ZNF438: variants seen among roughly 807,000 people sequenced by gnomAD.
ZNF438 encodes zinc finger protein 438.
A neutral mutation model predicts 38.0 loss-of-function variants in ZNF438; 25 were observed. The observed-to-expected ratio is 0.66, with a 90% confidence interval of 0.48 to 0.92. The LOEUF is 0.92. ZNF438 is among the 40% of genes least tolerant of loss of function. The pLI is 0.00. For missense variants in ZNF438, 1,007 were observed against 999.6 expected (o/e 1.01, Z -0.10); for synonymous variants, 372 against 364.1 (o/e 1.02, Z -0.25).
intron 4 of ZNF438, among the ~76,000 whole-genome samples, chr10:30,852,118 G>A (rs909399646): frequency 7.3e-5 from 11 of 151,380 alleles, no homozygotes; most frequent in Admixed American, 5.9e-4. Context: ...AGCCGAGATC[G>A]CACCACTATA....
intron 1 of ZNF438, among the ~76,000 whole-genome samples, chr10:30,949,642 A>C (rs1160929148): frequency 6.6e-6 from 1 of 152,200 alleles, no homozygotes; most frequent in Non-Finnish European, 1.5e-5. Flanking sequence ...CAAAGATCAA[A>C]AGAGACAAGG....
intron 1 of ZNF438, among the ~76,000 whole-genome samples, chr10:30,944,528 G>A (rs1010469555): frequency 3.3e-5 from 5 of 152,116 alleles, no homozygotes; most frequent in Non-Finnish European, 5.9e-5. Context: ...GGGAGAACTC[G>A]CCAGCTACAG....
intron 1 of ZNF438, among the ~76,000 whole-genome samples, chr10:30,949,243 G>A (rs1398176265): frequency 6.6e-6 from 1 of 151,858 alleles, no homozygotes; most frequent in Admixed American, 6.6e-5. Context: ...AAGAGCTCCT[G>A]AAGGAAGCGC....
intron 1 of ZNF438, among the ~76,000 whole-genome samples, chr10:30,956,241 A>G (rs926001138): frequency 2.0e-5 from 3 of 152,222 alleles, no homozygotes; most frequent in Non-Finnish European, 2.9e-5. Context: ...AAAAATACCA[A>G]TGTGAGATAA....
chr10:30,856,836 T>TAAGCATACTAA (rs2034716027), intron 4 of ZNF438, among the ~76,000 whole-genome samples: 1 of 152,236 alleles, frequency 6.6e-6, no homozygotes, highest in African/African-American at 2.4e-5. Context: ...GGGCTGTTTT[T>TAAGCATACTAA]AATATGTTAA....
At chr10:30,845,735 G>A (rs976880569) in intron 5 of ZNF438, among the ~76,000 whole-genome samples, 162 bp from the exon 7 acceptor site, 7 of 152,218 alleles carry the variant, frequency 4.6e-5, no homozygotes, top group African/African-American at 1.2e-4. Context: ...TGCAAGGACC[G>A]TGGTGAATAC....
intron 4 of ZNF438, among the ~76,000 whole-genome samples, chr10:30,866,980 G>T (rs753266190): frequency 2.0e-5 from 3 of 152,196 alleles, no homozygotes; most frequent in Non-Finnish European, 4.4e-5. Flanking sequence ...TACATGCGTG[G>T]ATAAAAGAAT....
chr10:31,010,571 A>T (rs959587298), intron 1 of ZNF438, among the ~76,000 whole-genome samples: 4 of 152,210 alleles, frequency 2.6e-5, no homozygotes, highest in Admixed American at 6.5e-5. Flanking sequence ...AAAAAATTGA[A>T]CATGTTTAAT....
intron 2 of ZNF438, among the ~76,000 whole-genome samples, chr10:30,909,890 A>C (rs1481144342): frequency 6.6e-6 from 1 of 152,214 alleles, no homozygotes; most frequent in African/African-American, 2.4e-5. Flanking sequence ...ACCATATCAC[A>C]AAATATCCAC....
At chr10:30,873,666 C>T (rs1013898434) in intron 4 of ZNF438, among the ~76,000 whole-genome samples, 1 of 152,186 alleles carries the variant, frequency 6.6e-6, no homozygotes, top group South Asian at 2.1e-4. Flanking sequence ...TAAGGACATG[C>T]ACATATGCTG....
At chr10:30,922,230 A>G (rs2044380532) in intron 2 of ZNF438, among the ~76,000 whole-genome samples, 1 of 152,206 alleles carries the variant, frequency 6.6e-6, no homozygotes, top group Non-Finnish European at 1.5e-5. Flanking sequence ...GAAACACTGA[A>G]GGCAGCAGTA....
chr10:30,884,224 G>A (rs567025723), intron 3 of ZNF438, among the ~76,000 whole-genome samples: 1 of 152,176 alleles, frequency 6.6e-6, no homozygotes, highest in South Asian at 2.1e-4. Context: ...GTTTTTTGCT[G>A]TGACACAAAG....
At chr10:30,951,028 C>T (rs61843636) in intron 1 of ZNF438, among the ~76,000 whole-genome samples, 1 of 138,702 alleles carries the variant, frequency 7.2e-6, no homozygotes, top group Non-Finnish European at 1.6e-5. Context: ...AATCCAGCAG[C>T]ACATCAAAAA....
At chr10:30,901,135 T>C (rs1179384338) in intron 3 of ZNF438, among the ~76,000 whole-genome samples, 2 of 151,806 alleles carry the variant, frequency 1.3e-5, no homozygotes, top group African/African-American at 4.8e-5. Context: ...GCCTTTCTTA[T>C]AACAGTTATA....
chr10:30,937,245 C>T (rs1327080551), intron 2 of ZNF438, among the ~76,000 whole-genome samples: 3 of 152,168 alleles, frequency 2.0e-5, no homozygotes, highest in African/African-American at 7.2e-5. Context: ...AGAACAGGTG[C>T]TGTAGTCAGG....
chr10:30,906,871 A>G (rs2042636521), intron 3 of ZNF438, among the ~76,000 whole-genome samples: 1 of 152,170 alleles, frequency 6.6e-6, no homozygotes, highest in African/African-American at 2.4e-5. Context: ...CTGATTTTTC[A>G]TATGTCAAAC....
chr10:30,991,710 A>G (rs1325049506), intron 1 of ZNF438, among the ~76,000 whole-genome samples: 1 of 152,194 alleles, frequency 6.6e-6, no homozygotes, highest in East Asian at 1.9e-4. Context: ...GCAACCAACA[A>G]ATTAGGACTA....
intron 3 of ZNF438, among the ~76,000 whole-genome samples, chr10:30,891,036 T>A (rs914936904): frequency 2.0e-5 from 3 of 152,238 alleles, no homozygotes; most frequent in Non-Finnish European, 4.4e-5. Context: ...TGAGTAGTTC[T>A]TTGTATATAA....
chr10:30,845,492 A>C, exon 6 of ZNF438: 1 of 1,614,152 alleles, frequency 6.2e-7, no homozygotes, highest in Non-Finnish European at 8.5e-7. Context: ...CAGTAATCTG[A>C]CAACGACCAC....
Sources: allele counts gnomAD v4.1 joint callset (sites outside exome capture counted in the v4.1 genomes callset), GRCh38; gene constraint gnomAD v4.1.1; transcripts MANE v1.5; gene names NCBI Gene and HGNC (gene_info 2026-07-23, HGNC 2026-07-21).